RIN3: variants seen among roughly 807,000 people sequenced by gnomAD.
The protein encoded by RIN3 is Ras and Rab interactor 3.
Under a neutral mutation model 76.3 loss-of-function variants are expected in RIN3, and 54 were observed. The observed-to-expected ratio is 0.71, with a 90% CI of 0.57 to 0.89. RIN3 has a LOEUF of 0.89. Among genes scored for constraint, RIN3 ranks in the 40% least tolerant of loss-of-function variants. The pLI is 0.00. For missense variants in RIN3, 1,256 were observed against 1,322.1 expected (o/e 0.95, Z 0.78); for synonymous variants, 576 against 564.0 (o/e 1.02, Z -0.30).
Position 92,599,577 on chromosome 14 carries a change from C to G in RIN3, c.368-15830C>G, listed in dbSNP as rs148418492. On this transcript the variant is annotated intron_variant, in intron 3 of 9. Coordinates refer to ENST00000216487, the MANE Select transcript of RIN3 (RefSeq NM_024832.5). ...TCGGTGCCTGGGAGAAAGAGAGCAA[C>G]CCCCTGGTGCCTGTGATGGAGTGGG... is the stretch of plus-strand genomic sequence containing the variant. 4.3e-4 allele frequency among the ~76,000 whole-genome samples: 65 copies of G among 152,206 alleles called. No homozygotes were observed. In the Middle Eastern group the frequency reaches 0.01, roughly 24 times the overall value.
At chr14:92,588,244 T>G (rs911894937) in intron 3 of RIN3, among the ~76,000 whole-genome samples, 1 of 87,642 alleles carries the variant, frequency 1.1e-5, no homozygotes, top group East Asian at 2.9e-4. Flanking sequence ...TTTTTTTTTT[T>G]GAGATGGAGT....
At chr14:92,675,005 G>A (rs1888412257) in intron 7 of RIN3, among the ~76,000 whole-genome samples, 1 of 152,150 alleles carries the variant, frequency 6.6e-6, no homozygotes, top group Admixed American at 6.5e-5. Context: ...CCATGTGTGT[G>A]ATAGGAACTT....
chr14:92,646,693 G>A (rs758459578), intron 5 of RIN3, among the ~76,000 whole-genome samples: 6 of 152,140 alleles, frequency 3.9e-5, no homozygotes, highest in Non-Finnish European at 7.3e-5. Context: ...GGCCCGCCTC[G>A]GCCTCCCAAA....
At chr14:92,525,320 C>T (rs2139997430) in intron 1 of RIN3, among the ~76,000 whole-genome samples, 1 of 152,296 alleles carries the variant, frequency 6.6e-6, no homozygotes, top group African/African-American at 2.4e-5. Context: ...ACTGTAAGCT[C>T]CCACCAGCAG....
chr14:92,612,641 C>T (rs540252918), intron 3 of RIN3, among the ~76,000 whole-genome samples: 86 of 152,352 alleles, frequency 5.6e-4, no homozygotes, highest in Admixed American at 4.8e-3. Context: ...AGGGTCTCCC[C>T]GTGTGTTGCC....
At chr14:92,616,934 C>T (rs1461946684) in intron 4 of RIN3, among the ~76,000 whole-genome samples, 1 of 152,114 alleles carries the variant, frequency 6.6e-6, no homozygotes, top group South Asian at 2.1e-4. Flanking sequence ...CAAATGATAC[C>T]ATTTTGGTTT....
At chr14:92,680,918 G>T (rs570126529) in intron 8 of RIN3, among the ~76,000 whole-genome samples, 2 of 152,166 alleles carry the variant, frequency 1.3e-5, no homozygotes, top group Non-Finnish European at 2.9e-5. Flanking sequence ...CCAGCTTGCT[G>T]GGACCCCCGC....
Position 92,652,648 on chromosome 14 carries a change from C to T in RIN3, c.1599C>T (p.Ser533=). ...SSPEFKGSLA[S]LSDSLGVSVM... ...CAGAGTTCAAGGGCTCCCTGGCCTC[C>T]CTCTCAGACAGCTTGGGGGTGTCTG... is the stretch of plus-strand genomic sequence containing the variant. The change falls in exon 6 of 10, where the codon TCC becomes TCT. Residue 533 remains serine, a synonymous_variant. Coordinates refer to ENST00000216487, the MANE Select transcript of RIN3 (RefSeq NM_024832.5). The surrounding 1 kb of genome is among the most constrained non-coding windows in gnomAD (Gnocchi z 6.4). 2 of 1,611,978 alleles carry T rather than the reference C, an allele frequency of 1.2e-6. No individual in the cohort carries two copies. Among genetic ancestry groups the T allele is most frequent in the Non-Finnish European group, 1.7e-6 (2 of 1,179,976 alleles).
intron 7 of RIN3, among the ~76,000 whole-genome samples, chr14:92,664,123 G>T (rs1443318057): frequency 6.6e-6 from 1 of 152,068 alleles, no homozygotes; most frequent in Non-Finnish European, 1.5e-5. Context: ...GCCACCAAAG[G>T]GTCAAAAGAC....
At chr14:92,531,767 G>A (rs932865612) in intron 1 of RIN3, among the ~76,000 whole-genome samples, 3 of 152,270 alleles carry the variant, frequency 2.0e-5, no homozygotes, top group Middle Eastern at 6.8e-3. Flanking sequence ...GGCAGTGCCC[G>A]TGGAAGGGCA....
chr14:92,577,426 A>G lies in RIN3; in HGVS notation c.316A>G (p.Asn106Asp). The change falls in exon 3 of 10, where the codon AAC becomes GAC. Residue 106 changes from asparagine to aspartate, a missense_variant. Coordinates refer to ENST00000216487, the MANE Select transcript of RIN3 (RefSeq NM_024832.5). Reference protein sequence around the residue: ...LVLCVHFPSLNESSAEVLEYT... With the variant: ...LVLCVHFPSLDESSAEVLEYT... The stretch of plus-strand genomic sequence containing the variant: ...GCTCTGTGTCCACTTTCCTTCTCTG[A>G]ACGAAAGCTCGGCCGAGGTGCTCGA... 6.2e-7 allele frequency: 1 copy of G among 1,613,948 alleles called. No homozygotes were observed. The highest frequency in any genetic ancestry group is 8.5e-7 in the Non-Finnish European group (1 of 1,179,906).
intron 4 of RIN3, among the ~76,000 whole-genome samples, chr14:92,619,906 A>G (rs1886114986): frequency 6.6e-6 from 1 of 152,228 alleles, no homozygotes; most frequent in Non-Finnish European, 1.5e-5. Context: ...CAAAGAAGCA[A>G]CTTATGACCT....
intron 3 of RIN3, among the ~76,000 whole-genome samples, chr14:92,589,893 C>A (rs1264060369): frequency 6.6e-6 from 1 of 152,224 alleles, no homozygotes; most frequent in African/African-American, 2.4e-5. Flanking sequence ...AACAACTCTT[C>A]TTGGATCTGT....
intron 1 of RIN3, among the ~76,000 whole-genome samples, chr14:92,541,919 TTACAAC>T (rs1897139652): frequency 6.6e-6 from 1 of 152,172 alleles, no homozygotes; most frequent in East Asian, 1.9e-4. Flanking sequence ...TATTAAAAAT[TTACAAC>T]TCAGTAATAG....
chr14:92,521,779 A>C (rs1566825398), intron 1 of RIN3, among the ~76,000 whole-genome samples: 1 of 152,204 alleles, frequency 6.6e-6, no homozygotes. Flanking sequence ...ACCAACACAG[A>C]AAATAAGAGA....
At chr14:92,668,609 G>C (rs866883519) in intron 7 of RIN3, among the ~76,000 whole-genome samples, 3 of 152,222 alleles carry the variant, frequency 2.0e-5, no homozygotes, top group Non-Finnish European at 4.4e-5. Context: ...CTAATCTCAT[G>C]ACAGCCACAG....
At chr14:92,631,166 AAGCCTACCC>A (rs769366633) in intron 4 of RIN3, among the ~76,000 whole-genome samples, 1 of 152,168 alleles carries the variant, frequency 6.6e-6, no homozygotes, top group Non-Finnish European at 1.5e-5. Context: ...GGTCCTGAGC[AAGCCTACCC>A]AGGCCCCTTC....
chr14:92,614,577 G>A (rs1885875026), intron 3 of RIN3, among the ~76,000 whole-genome samples: 1 of 151,964 alleles, frequency 6.6e-6, no homozygotes, highest in Non-Finnish European at 1.5e-5. Flanking sequence ...CACGAGTTGT[G>A]GGAGGGACCT....
At chr14:92,622,342 A>G (rs1160421639) in intron 4 of RIN3, among the ~76,000 whole-genome samples, 2 of 152,230 alleles carry the variant, frequency 1.3e-5, no homozygotes, top group South Asian at 4.1e-4. Flanking sequence ...TGTTCCCTCC[A>G]GAGCCTGCTA....
Sources: gnomAD v4.1 joint callset for allele counts (sites outside exome capture counted in the v4.1 genomes callset) on GRCh38, gnomAD v4.1.1 for gene constraint, Gnocchi (gnomAD v3.1) non-coding constraint, MANE v1.5 for transcripts, NCBI Gene and HGNC (gene_info 2026-07-23, HGNC 2026-07-21) for gene names.